The following PHACTR2 variants were observed in gnomAD, a reference collection of about 807,000 sequenced individuals.
PHACTR2 encodes the protein chromosome 6 open reading frame 56.
In PHACTR2, 30 loss-of-function variants were observed where a neutral mutation model predicts 76.0. The ratio of observed to expected loss-of-function variants is 0.39; its 90% CI spans 0.30 to 0.54. The LOEUF (loss-of-function observed/expected upper bound fraction) is 0.54. Among genes scored for constraint, PHACTR2 ranks in the 20% least tolerant of loss-of-function variants. The pLI, the probability that PHACTR2 is intolerant of heterozygous loss-of-function variation, is 0.61. For missense variants in PHACTR2, 696 were observed against 781.1 expected (o/e 0.89, Z 1.30); for synonymous variants, 292 against 292.5 (o/e 1.00, Z 0.02).
intron 9 of PHACTR2, among the ~76,000 whole-genome samples, chr6:143,779,228 T>C (rs1775359965): frequency 6.6e-6 from 1 of 152,222 alleles, no homozygotes; most frequent in African/African-American, 2.4e-5. Context: ...TCTTGGTTCT[T>C]CCACATAGAT....
chr6:143,639,110 A>G lies in PHACTR2; in HGVS notation c.13+30788A>G, dbSNP rs1311128492. Among the ~76,000 whole-genome samples, 1 of 152,268 alleles carries G rather than the reference A, an allele frequency of 6.6e-6. No homozygotes were observed. Among genetic ancestry groups the G allele is most frequent in the African/African-American group, 2.4e-5 (1 of 41,476 alleles). ...GTCAGATGAATCTACATACTTATGCATAATTTTTTAACAGTGTCCAATATT... is the reference window on the plus strand; with the variant it reads ...GTCAGATGAATCTACATACTTATGCGTAATTTTTTAACAGTGTCCAATATT... On this transcript the variant is annotated intron_variant, in intron 1 of 11. Coordinates refer to the PHACTR2 transcript ENST00000305766. This position sits in a 1 kb window ranked among gnomAD's most constrained non-coding sequence, Gnocchi z 5.0.
rs1234117461 is a variant in PHACTR2 at position 143,595,356 on chromosome 6, A to G, written c.217+58149A>G. On this transcript the variant is annotated intron_variant, in intron 1 of 11. Coordinates refer to the PHACTR2 transcript ENST00000367584. The surrounding 1 kb of genome is among the most constrained non-coding windows in gnomAD (Gnocchi z 4.2). Reference sequence around the variant, plus strand: ...ACTTTATTTCCAGCATTCGACCAAAATGCAGGGATTTGGGCCACATTTACT... The same window carrying G: ...ACTTTATTTCCAGCATTCGACCAAAGTGCAGGGATTTGGGCCACATTTACT... Among the ~76,000 whole-genome samples the G allele has an allele frequency of 1.3e-5, 2 of 152,198 alleles. No homozygotes were observed. The highest frequency in any genetic ancestry group is 4.8e-5 in the African/African-American group (2 of 41,456).
intron 1 of PHACTR2, among the ~76,000 whole-genome samples, chr6:143,579,921 G>C (rs1439490004): frequency 6.6e-6 from 1 of 152,138 alleles, no homozygotes; most frequent in Non-Finnish European, 1.5e-5. Flanking sequence ...CTGCCGGGAG[G>C]AGCTGCGTCC....
chr6:143,598,767 A>G lies in PHACTR2; in HGVS notation c.217+61560A>G, dbSNP rs893172170. Among the ~76,000 whole-genome samples, 4 of 151,744 alleles carry G rather than the reference A, an allele frequency of 2.6e-5. No homozygotes were observed. The highest frequency in any genetic ancestry group is 4.8e-5 in the African/African-American group (2 of 41,266). On this transcript the variant is annotated intron_variant, in intron 1 of 11. Coordinates refer to the PHACTR2 transcript ENST00000367584. The surrounding 1 kb of genome is among the most constrained non-coding windows in gnomAD (Gnocchi z 4.1). ...TGCAGATGTTTTATCTCCTTTTTTT[A>G]TGGCTCCCAGGAACTTTCTATGACC...
rs1428145505 is a variant in PHACTR2 at position 143,775,748 on chromosome 6, A to G, written c.1589+1533A>G. On this transcript the variant is annotated intron_variant, in intron 8 of 12. Coordinates refer to ENST00000440869, the MANE Select transcript of PHACTR2 (RefSeq NM_001100164.2). This position sits in a 1 kb window ranked among gnomAD's most constrained non-coding sequence, Gnocchi z 4.4. Reference sequence around the variant, plus strand: ...TTGAATAATATTTGCATAAAATAATAATAGTGTTATCATAGTAAGGAGTAA... The same window carrying G: ...TTGAATAATATTTGCATAAAATAATGATAGTGTTATCATAGTAAGGAGTAA... Among the ~76,000 whole-genome samples the G allele has an allele frequency of 6.6e-5, 10 of 152,244 alleles. No homozygotes were observed. Among genetic ancestry groups the G allele is most frequent in the Admixed American group, 6.5e-4 (10 of 15,284 alleles).
In PHACTR2 at chr6:143,664,475, T is replaced by G. The variant is rs1776999766; in HGVS notation, c.14-47541T>G. On this transcript the variant is annotated intron_variant, in intron 1 of 11. Coordinates refer to the PHACTR2 transcript ENST00000305766. The surrounding 1 kb of genome is among the most constrained non-coding windows in gnomAD (Gnocchi z 5.1). ...TTTTAAGCATGCTCTTCTTCAATTT[T>G]CTTTCATTTTCTCATTATTTGGATT... 6.6e-6 allele frequency among the ~76,000 whole-genome samples: 1 copy of G among 152,186 alleles called. No individual in the cohort carries two copies. Among genetic ancestry groups the G allele is most frequent in the South Asian group, 2.1e-4 (1 of 4,830 alleles).
intron 1 of PHACTR2, among the ~76,000 whole-genome samples, chr6:143,686,950 C>T (rs897684235): frequency 6.6e-6 from 1 of 152,176 alleles, no homozygotes; most frequent in African/African-American, 2.4e-5. Context: ...TGCGTGGATT[C>T]TGAGCTTTAA....
chr6:143,690,279 C>T (rs996930698), intron 1 of PHACTR2, among the ~76,000 whole-genome samples: 2 of 152,220 alleles, frequency 1.3e-5, no homozygotes, highest in African/African-American at 2.4e-5. Context: ...TTGTCCTCTT[C>T]CCATGTGGAC....
chr6:143,678,048 G>C lies in PHACTR2; in HGVS notation c.-116G>C. 1 of 1,523,442 alleles carries C rather than the reference G, an allele frequency of 6.6e-7. No homozygotes were observed. The highest frequency in any genetic ancestry group is 8.8e-7 in the Non-Finnish European group (1 of 1,132,488). The allele number at this position is 1,523,442 out of a possible 1,614,324, so 94.4% of individuals were successfully genotyped here. ...GGGGTAGAAGGTGAGGGGACCCGGCGGGCCGCTCGGCACAGGCCGGGACAT... is the reference window on the plus strand; with the variant it reads ...GGGGTAGAAGGTGAGGGGACCCGGCCGGCCGCTCGGCACAGGCCGGGACAT... On this transcript the variant is annotated 5_prime_UTR_variant, in exon 1 of 13. Transcript: ENST00000440869. The surrounding 1 kb of genome is among the most constrained non-coding windows in gnomAD (Gnocchi z 6.2).
At chr6:143,676,127 G>A (rs1157696009), upstream of PHACTR2, among the ~76,000 whole-genome samples, 1 of 152,180 alleles carries the variant, frequency 6.6e-6, no homozygotes, top group East Asian at 1.9e-4. The surrounding 1 kb of genome is among the most constrained non-coding windows in gnomAD (Gnocchi z 4.8). Flanking sequence ...CAAGGATAAT[G>A]TAATGGAACT....
rs1034562421 is a variant in PHACTR2, at chr6:143,793,982, G to A, written c.1845+5072G>A. ...AAAATAGAAAAATGCAACAATTTAAGATGTTTATGTGTAGTATATTGTATA... is the reference window on the plus strand; with the variant it reads ...AAAATAGAAAAATGCAACAATTTAAAATGTTTATGTGTAGTATATTGTATA... On this transcript the variant is annotated intron_variant, in intron 11 of 12. Transcript: ENST00000440869. The surrounding 1 kb of genome is among the most constrained non-coding windows in gnomAD (Gnocchi z 4.4). 1.3e-5 allele frequency among the ~76,000 whole-genome samples: 2 copies of A among 151,944 alleles called. No individual in the cohort carries two copies. Among genetic ancestry groups the A allele is most frequent in the Non-Finnish European group, 2.9e-5 (2 of 68,012 alleles).
In PHACTR2 at chr6:143,754,702, A is replaced by G. The variant is rs553028507; in HGVS notation, c.454+790A>G. Among the ~76,000 whole-genome samples, 17 of 152,332 alleles carry G rather than the reference A, an allele frequency of 1.1e-4. No individual in the cohort carries two copies. Among genetic ancestry groups the G allele is most frequent in the Admixed American group, 5.9e-4 (9 of 15,302 alleles). ...TGATGCGTAGGAACCTCCAAACATG[A>G]AATGAAACTTCTAAAAGGAAAGGTT... is the stretch of plus-strand genomic sequence containing the variant. On this transcript the variant is annotated intron_variant, in intron 4 of 12. Coordinates refer to ENST00000440869, the MANE Select transcript of PHACTR2 (RefSeq NM_001100164.2). This position sits in a 1 kb window ranked among gnomAD's most constrained non-coding sequence, Gnocchi z 6.2.
At chr6:143,629,775 T>C (rs1776329776) in intron 1 of PHACTR2, among the ~76,000 whole-genome samples, 1 of 152,104 alleles carries the variant, frequency 6.6e-6, no homozygotes, top group Non-Finnish European at 1.5e-5. Flanking sequence ...CGCTCTTCCA[T>C]GATGAGAATG....
chr6:143,577,219 G>A (rs564382722), intron 1 of PHACTR2, among the ~76,000 whole-genome samples: 1 of 152,188 alleles, frequency 6.6e-6, no homozygotes, highest in African/African-American at 2.4e-5. Flanking sequence ...TTGTATTTTA[G>A]CATGCTCTGT....
intron 1 of PHACTR2, among the ~76,000 whole-genome samples, chr6:143,687,173 A>G (rs902272057): frequency 3.9e-5 from 6 of 152,350 alleles, no homozygotes; most frequent in African/African-American, 1.4e-4. Context: ...AGATTTGGTC[A>G]GTGACTAATA....
intron 11 of PHACTR2, among the ~76,000 whole-genome samples, chr6:143,802,647 C>CAAAA (rs55737411): frequency 3.6e-4 from 32 of 90,116 alleles, no homozygotes; most frequent in Middle Eastern, 0.012. Flanking sequence ...GACCCTGTCT[C>CAAAA]AAAAAAAAAA....
chr6:143,788,764 C>T lies in PHACTR2; in HGVS notation c.1708-9C>T. 6.2e-7 allele frequency: 1 copy of T among 1,603,706 alleles called. No homozygotes were observed. The highest frequency in any genetic ancestry group is 1.1e-5 in the South Asian group (1 of 90,432). ...ACTGAACTCTGCCTTTTTCCTTGTC[C>T]TCCTGCAGCTCAGCCTGAGACCCAC... On this transcript the variant is annotated splice_polypyrimidine_tract_variant and intron_variant, in intron 10 of 12. Coordinates refer to ENST00000440869, the MANE Select transcript of PHACTR2 (RefSeq NM_001100164.2).
At position 143,775,934 on chromosome 6, in the gene PHACTR2, C is replaced by T. The variant is rs1251202888; in HGVS notation, c.1590-1394C>T. On this transcript the variant is annotated intron_variant, in intron 8 of 12. Transcript: ENST00000440869. The surrounding 1 kb of genome is among the most constrained non-coding windows in gnomAD (Gnocchi z 4.4). ...TCACCTGAGGTCAGGAGTTCAAGACCGGCCTGGCCAACATGGCGAAATACC... is the reference window on the plus strand; with the variant it reads ...TCACCTGAGGTCAGGAGTTCAAGACTGGCCTGGCCAACATGGCGAAATACC... Among the ~76,000 whole-genome samples, 1 of 152,080 alleles carries T rather than the reference C, an allele frequency of 6.6e-6. No individual in the cohort carries two copies. Among genetic ancestry groups the T allele is most frequent in the African/African-American group, 2.4e-5 (1 of 41,410 alleles).
At chr6:143,779,250 G>A (rs528627373) in intron 9 of PHACTR2, among the ~76,000 whole-genome samples, 11 of 152,040 alleles carry the variant, frequency 7.2e-5, no homozygotes, top group African/African-American at 1.7e-4. Flanking sequence ...GCTCTTGTTC[G>A]TTTGTTTGTA....
Sources: gnomAD v4.1 joint callset for allele counts (sites outside exome capture counted in the v4.1 genomes callset) on GRCh38, gnomAD v4.1.1 for gene constraint, Gnocchi (gnomAD v3.1) non-coding constraint, MANE v1.5 for transcripts, NCBI Gene and HGNC (gene_info 2026-07-23, HGNC 2026-07-21) for gene names.